TEK: variants seen among roughly 807,000 people sequenced by gnomAD.
TEK encodes the protein angiopoietin-1 receptor.
Under a neutral mutation model 131.8 loss-of-function variants are expected in TEK, and 43 were observed. That is an observed-to-expected ratio of 0.33 (90% CI 0.26 to 0.42). TEK has a LOEUF of 0.42. Among genes scored for constraint, TEK ranks in the 10% least tolerant of loss-of-function variants. The pLI is 1.00. For missense variants in TEK, 1,162 were observed against 1,384.4 expected, an observed-to-expected ratio of 0.84 and a Z score of 2.55; for synonymous variants, 580 against 491.6, an observed-to-expected ratio of 1.18 and a Z score of -2.38.
chr9:27,223,340 A>G (rs1330819978), intron 21 of TEK, among the ~76,000 whole-genome samples: 3 of 152,224 alleles, frequency 2.0e-5, no homozygotes, highest in Non-Finnish European at 4.4e-5. Context: ...TCAGCACCTC[A>G]TCACACTTAA....
Position 27,229,402 on chromosome 9 carries a change from C to A in TEK, c.*170C>A. 1.4e-6 allele frequency: 1 copy of A among 706,666 alleles called. No homozygotes were observed. Among genetic ancestry groups the A allele is most frequent in the South Asian group, 1.5e-5 (1 of 67,148 alleles). 43.8% of individuals were successfully genotyped at this position (706,666 alleles called of 1,614,324 possible). On this transcript the variant is annotated 3_prime_UTR_variant, in exon 23 of 23. Transcript: ENST00000380036. Reference sequence around the variant, plus strand: ...CCCATGCATGGATCTATGTAGTATGCTCTGACTCTAATAGGACTGTATATA... The same window carrying A: ...CCCATGCATGGATCTATGTAGTATGATCTGACTCTAATAGGACTGTATATA...
At chr9:27,185,350 A>G in intron 8 of TEK, 135 bp from the exon 9 acceptor site, 1 of 1,090,028 alleles carries the variant, frequency 9.2e-7, no homozygotes, top group Non-Finnish European at 1.4e-6. Flanking sequence ...GCCAATAATT[A>G]TATTAGCATT....
chr9:27,123,497 A>G (rs1821877871), intron 1 of TEK, among the ~76,000 whole-genome samples: 1 of 152,196 alleles, frequency 6.6e-6, no homozygotes, highest in Non-Finnish European at 1.5e-5. Context: ...ATTTTCATGG[A>G]GAGGCCACGC....
At chr9:27,220,837 G>T (rs1826036131) in intron 21 of TEK, among the ~76,000 whole-genome samples, 1 of 152,218 alleles carries the variant, frequency 6.6e-6, no homozygotes, top group Non-Finnish European at 1.5e-5. Flanking sequence ...TGGGTTGCAA[G>T]CACCAAACTG....
At chr9:27,148,790 G>T (rs954873021) in intron 1 of TEK, among the ~76,000 whole-genome samples, 1 of 152,184 alleles carries the variant, frequency 6.6e-6, no homozygotes, top group South Asian at 2.1e-4. Flanking sequence ...AACGACTTAT[G>T]AAATTTCTTT....
intron 11 of TEK, 86 bp downstream of exon 11, chr9:27,192,709 TGG>T: frequency 3.8e-6 from 1 of 264,386 alleles, no homozygotes; most frequent in Non-Finnish European, 7.0e-6. Context: ...GGAAGGGTGG[TGG>T]TGGGTGAGTG....
intron 3 of TEK, 78 bp downstream of exon 3, chr9:27,168,683 A>G (rs933408078): frequency 5.3e-6 from 6 of 1,134,740 alleles, no homozygotes; most frequent in African/African-American, 4.6e-5. Flanking sequence ...TCATTTTCCT[A>G]TTGTGGTCTT....
chr9:27,174,076 A>G (rs1824074620), intron 6 of TEK, among the ~76,000 whole-genome samples: 1 of 152,166 alleles, frequency 6.6e-6, no homozygotes, highest in Non-Finnish European at 1.5e-5. Context: ...TGCCCTTTGT[A>G]AAATAAGCTT....
At chr9:27,129,078 T>G (rs1408596682) in intron 1 of TEK, among the ~76,000 whole-genome samples, 3 of 152,146 alleles carry the variant, frequency 2.0e-5, no homozygotes, top group Non-Finnish European at 2.9e-5. Flanking sequence ...ATACTTCCAG[T>G]TTTTGCCCCT....
intron 11 of TEK, among the ~76,000 whole-genome samples, chr9:27,195,976 G>A (rs574429531): frequency 2.8e-4 from 42 of 152,286 alleles, no homozygotes; most frequent in Admixed American, 1.3e-3. Context: ...TAGTCATAGC[G>A]GATACCTTGA....
In TEK at chr9:27,111,624, C is replaced by G. The variant is rs73643142; in HGVS notation, c.52+1982C>G. Among the ~76,000 whole-genome samples the G allele has an allele frequency of 8.5e-3, 1,280 of 151,352 alleles. 18 individuals are homozygous for G. The highest frequency in any genetic ancestry group is 0.029 in the African/African-American group (1,217 of 41,310). ...AGAGGGCTGGAGGGGATGTGTAGCTCTCAGAAGCTCCTTACAAATACTCCT... is the reference window on the plus strand; with the variant it reads ...AGAGGGCTGGAGGGGATGTGTAGCTGTCAGAAGCTCCTTACAAATACTCCT... On this transcript the variant is annotated intron_variant, in intron 1 of 22. Transcript: ENST00000380036.
rs3737187 is a variant in TEK at position 27,213,774 on chromosome 9, C to T, written c.2991+177C>T. ...TAAATGTTGGTTCCTAACATGATTGCAGCATCTGCATTAATTAATAATGAA... is the reference window on the plus strand; with the variant it reads ...TAAATGTTGGTTCCTAACATGATTGTAGCATCTGCATTAATTAATAATGAA... On this transcript the variant is annotated intron_variant, in intron 18 of 22. Transcript: ENST00000380036. Among the ~76,000 whole-genome samples the T allele has an allele frequency of 0.4, 60,237 of 151,962 alleles. 12,198 individuals carry two copies. The highest frequency in any genetic ancestry group is 0.58 in the East Asian group (3,022 of 5,178).
chr9:27,133,652 A>G (rs751690400), intron 1 of TEK, among the ~76,000 whole-genome samples: 11 of 152,162 alleles, frequency 7.2e-5, no homozygotes, highest in Non-Finnish European at 1.5e-4. Flanking sequence ...TGGCTTTCAT[A>G]CTTGCTTTAT....
intron 1 of TEK, among the ~76,000 whole-genome samples, chr9:27,138,204 C>G (rs1035268934): frequency 6.6e-6 from 1 of 152,182 alleles, no homozygotes; most frequent in African/African-American, 2.4e-5. Context: ...AGCAAAAGAA[C>G]AAAGATTCCA....
chr9:27,205,972 T>TG (rs3842211), intron 14 of TEK, among the ~76,000 whole-genome samples: 78,103 of 151,890 alleles, frequency 0.51, 20,590 homozygotes, highest in Non-Finnish European at 0.56. Flanking sequence ...TTGGGAGTGC[T>TG]GAGCCTGTCA....
chr9:27,160,010 GTTTTTTTTTTTTTT>G (rs563961610), intron 2 of TEK, among the ~76,000 whole-genome samples: 2 of 84,322 alleles, frequency 2.4e-5, no homozygotes, highest in Non-Finnish European at 4.2e-5. Context: ...GCTGTTTAGG[GTTTTTTTTTTTTTT>G]TTTTTTTTTT....
At chr9:27,146,920 G>T (rs182851406) in intron 1 of TEK, among the ~76,000 whole-genome samples, 4 of 151,802 alleles carry the variant, frequency 2.6e-5, no homozygotes. Context: ...TAGTAGAGAC[G>T]GGGTTTCACC....
At chr9:27,173,017 G>A (rs766947018) in intron 5 of TEK, among the ~76,000 whole-genome samples, 20 of 152,110 alleles carry the variant, frequency 1.3e-4, no homozygotes, top group Non-Finnish European at 2.2e-4. Context: ...CTGCATGATT[G>A]TGAGTGATGT....
intron 3 of TEK, among the ~76,000 whole-genome samples, chr9:27,168,968 A>C (rs1205803613): frequency 6.6e-6 from 1 of 152,232 alleles, no homozygotes; most frequent in Non-Finnish European, 1.5e-5. Context: ...AATTGTTAGC[A>C]GTTCTGGCAG....
Sources: allele counts gnomAD v4.1 joint callset (sites outside exome capture counted in the v4.1 genomes callset), GRCh38; gene constraint gnomAD v4.1.1; transcripts MANE v1.5; gene names NCBI Gene and HGNC (gene_info 2026-07-23, HGNC 2026-07-21).